Variants in EML6 observed in about 807,000 individuals in gnomAD.
The protein encoded by EML6 is echinoderm microtubule-associated protein-like 6.
EML6 carries 154 observed loss-of-function variants against 240.1 expected under a neutral mutation model. The ratio of observed to expected loss-of-function variants is 0.64; its 90% CI spans 0.56 to 0.73. The LOEUF is 0.73. EML6 is among the 30% of genes least tolerant of loss of function. The probability of loss-of-function intolerance (pLI) is 0.00; values close to 1 mark genes in which losing one functional copy is unlikely to be tolerated. For missense variants in EML6, 2,964 were observed against 2,474.6 expected (o/e 1.20, Z -4.20); for synonymous variants, 1,148 against 899.0 (o/e 1.28, Z -4.95).
At chr2:54,805,253 A>T (rs1670408337) in intron 2 of EML6, among the ~76,000 whole-genome samples, 1 of 152,104 alleles carries the variant, frequency 6.6e-6, no homozygotes, top group Admixed American at 6.5e-5. Context: ...GGCTCTTTTA[A>T]ATCTGTGAAG....
At chr2:54,926,322 G>A (rs1360319099) in intron 26 of EML6, among the ~76,000 whole-genome samples, 2 of 152,218 alleles carry the variant, frequency 1.3e-5, no homozygotes, top group African/African-American at 2.4e-5. Context: ...GGCTGGTCTT[G>A]AACTCCTGAC....
intron 14 of EML6, chr2:54,868,904 G>A (rs568488341): frequency 2.4e-4 from 94 of 386,818 alleles, no homozygotes; most frequent in African/African-American, 1.8e-3. Context: ...TCACAGATGT[G>A]TTCTCAGATG....
At chr2:54,786,420 TC>T (rs1356118659) in intron 2 of EML6, among the ~76,000 whole-genome samples, 1 of 152,100 alleles carries the variant, frequency 6.6e-6, no homozygotes, top group Non-Finnish European at 1.5e-5. Flanking sequence ...ATTCACAGGA[TC>T]TCTAGGAGAG....
chr2:54,742,430 C>G (rs1683691268), intron 2 of EML6, among the ~76,000 whole-genome samples: 1 of 152,222 alleles, frequency 6.6e-6, no homozygotes, highest in East Asian at 1.9e-4. Flanking sequence ...GAGACAACTA[C>G]AGTGTCACCA....
At chr2:54,834,471 A>G (rs1179315044) in intron 7 of EML6, among the ~76,000 whole-genome samples, 6 of 152,256 alleles carry the variant, frequency 3.9e-5, no homozygotes, top group African/African-American at 1.4e-4. Context: ...AATTATTCAC[A>G]CAGTATAAGA....
At chr2:54,934,194 G>C (rs1675012115) in intron 28 of EML6, among the ~76,000 whole-genome samples, 1 of 152,132 alleles carries the variant, frequency 6.6e-6, no homozygotes. Flanking sequence ...TACACATATG[G>C]AAGTGAAAAA....
chr2:54,869,654 C>T (rs914236287), intron 15 of EML6, among the ~76,000 whole-genome samples: 1 of 152,154 alleles, frequency 6.6e-6, no homozygotes, highest in African/African-American at 2.4e-5. Context: ...GCTTTATATA[C>T]TTCCTCGCTG....
chr2:54,841,267 T>C (rs1385802303), intron 7 of EML6, among the ~76,000 whole-genome samples: 3 of 152,212 alleles, frequency 2.0e-5, no homozygotes, highest in Admixed American at 6.5e-5. Context: ...TTTTGATTAA[T>C]TGACCCTGAA....
Position 54,955,236 on chromosome 2 carries a change from C to T in EML6, c.4486+1080C>T, listed in dbSNP as rs539830521. 3.3e-5 allele frequency among the ~76,000 whole-genome samples: 5 copies of T among 152,226 alleles called. No homozygotes were observed. The South Asian group carries it at 1.0e-3, about 32-fold the overall frequency. On this transcript the variant is annotated intron_variant, in intron 32 of 41. Transcript: ENST00000356458. ...ATTCATTCCTTGTGATGTCAAGTGGCCAACTGATTGACCAGACTCAGCCCA... is the reference window on the plus strand; with the variant it reads ...ATTCATTCCTTGTGATGTCAAGTGGTCAACTGATTGACCAGACTCAGCCCA...
Position 54,774,557 on chromosome 2 carries a change from C to T in EML6, c.198-38675C>T, listed in dbSNP as rs145969401. Among the ~76,000 whole-genome samples the T allele has an allele frequency of 2.9e-3, 437 of 152,302 alleles. 1 individual carries two copies. The highest frequency in any genetic ancestry group is 9.9e-3 in the African/African-American group (413 of 41,560). ...GAGAATGGAAGAGCTAGCATCTCTG[C>T]TACACTACATCATAGGGTGGTTGTA... On this transcript the variant is annotated intron_variant, in intron 2 of 41. Coordinates refer to ENST00000356458, the MANE Select transcript of EML6 (RefSeq NM_001039753.4). The surrounding 1 kb of genome is among the most constrained non-coding windows in gnomAD (Gnocchi z 4.1).
chr2:54,820,559 A>G, intron 5 of EML6, 97 bp downstream of exon 5: 1 of 730,134 alleles, frequency 1.4e-6, no homozygotes, highest in South Asian at 1.9e-5. Flanking sequence ...TAGACTTTAC[A>G]TTTTTTTTCT....
rs539730554 is a variant in EML6 at position 54,823,584 on chromosome 2, G to C, written c.525+3122G>C. Reference sequence around the variant, plus strand: ...ATCTGCCAACGTGAGTTTCTGATCAGACTAAAATATGAAAATTGTTTCAGC... The same window carrying C: ...ATCTGCCAACGTGAGTTTCTGATCACACTAAAATATGAAAATTGTTTCAGC... On this transcript the variant is annotated intron_variant, in intron 5 of 41. Coordinates refer to ENST00000356458, the MANE Select transcript of EML6 (RefSeq NM_001039753.4). Among the ~76,000 whole-genome samples the C allele has an allele frequency of 2.6e-4, 39 of 152,196 alleles. 1 individual carries two copies. In the South Asian group the frequency reaches 6.6e-3, roughly 26 times the overall value.
At chr2:54,939,470 G>A (rs755907715) in intron 28 of EML6, among the ~76,000 whole-genome samples, 97 of 152,320 alleles carry the variant, frequency 6.4e-4, no homozygotes, top group Non-Finnish European at 1.6e-4. Flanking sequence ...GTGGATGGAT[G>A]AGTACTGCTT....
At chr2:54,770,313 C>T (rs560407838) in intron 2 of EML6, among the ~76,000 whole-genome samples, 29 of 152,244 alleles carry the variant, frequency 1.9e-4, no homozygotes, top group Admixed American at 1.8e-3. Flanking sequence ...AAGCTGGGAC[C>T]GTTGGACATT....
chr2:54,946,203 C>A (rs761373503), intron 28 of EML6, among the ~76,000 whole-genome samples: 31 of 152,114 alleles, frequency 2.0e-4, no homozygotes, highest in Non-Finnish European at 4.1e-4. Context: ...CTGACCCTGC[C>A]CCCCTGCCCA....
chr2:54,934,018 C>G (rs1033265551), intron 28 of EML6, among the ~76,000 whole-genome samples: 1 of 152,130 alleles, frequency 6.6e-6, no homozygotes, highest in Non-Finnish European at 1.5e-5. Context: ...GAGAATGAGA[C>G]AACACGCAGT....
intron 2 of EML6, among the ~76,000 whole-genome samples, chr2:54,795,434 G>C (rs116901102): frequency 6.6e-6 from 1 of 152,286 alleles, no homozygotes; most frequent in East Asian, 1.9e-4. Flanking sequence ...CTCCTCTGGC[G>C]TATGGGGATT....
chr2:54,817,441 A>G (rs867566531), intron 4 of EML6, among the ~76,000 whole-genome samples: 2 of 152,180 alleles, frequency 1.3e-5, no homozygotes, highest in Admixed American at 1.3e-4. Context: ...TGCATAATTA[A>G]AATAATTTGA....
chr2:54,890,867 G>C (rs141465071), intron 17 of EML6, among the ~76,000 whole-genome samples, 187 bp from the exon 18 acceptor site: 15 of 152,158 alleles, frequency 9.9e-5, no homozygotes, highest in African/African-American at 2.9e-4. Context: ...AAGAAGAAAG[G>C]GTTCAAACAT....
Sources: gnomAD v4.1 joint callset for allele counts (sites outside exome capture counted in the v4.1 genomes callset) on GRCh38, gnomAD v4.1.1 for gene constraint, Gnocchi (gnomAD v3.1) non-coding constraint, MANE v1.5 for transcripts, NCBI Gene and HGNC (gene_info 2026-07-23, HGNC 2026-07-21) for gene names.